Variants in EBF2 observed in about 807,000 individuals in gnomAD.
EBF2 encodes the protein EBF transcription factor 2, also known as transcription factor COE2.
A neutral mutation model predicts 72.8 loss-of-function variants in EBF2; 21 were observed. The observed-to-expected ratio is 0.29, with a 90% CI of 0.20 to 0.42. EBF2 has a LOEUF of 0.42. Ranked by LOEUF, EBF2 falls within the 10% of genes least tolerant of loss-of-function variation. The pLI is 1.00. For synonymous variants in EBF2, 299 were observed against 274.2 expected, an observed-to-expected ratio of 1.09 and a Z score of -0.89; for missense variants, 637 against 731.2, an observed-to-expected ratio of 0.87 and a Z score of 1.49.
Position 26,033,100 on chromosome 8 carries a change from G to A in EBF2, c.536C>T (p.Pro179Leu). 1 of 1,614,152 alleles carries A rather than the reference G, an allele frequency of 6.2e-7. No homozygotes were observed. Among genetic ancestry groups the A allele is most frequent in the Non-Finnish European group, 8.5e-7 (1 of 1,180,006 alleles). The change falls in exon 6 of 16, where the codon CCA becomes CTA. Residue 179 changes from proline (P) to leucine (L), a missense_variant. Transcript: ENST00000520164. ...TTCCCCCTACCTGTCAATTATGACT[G>A]GGTCCGATGGAGTCTCATTTCGGTT... is the stretch of plus-strand genomic sequence containing the variant. ...CGNRNETPSD[P>L]VIIDRFFLKF...
At chr8:25,971,758 G>A (rs552819691) in intron 6 of EBF2, among the ~76,000 whole-genome samples, 57 of 152,152 alleles carry the variant, frequency 3.7e-4, no homozygotes, top group Non-Finnish European at 3.7e-4. Flanking sequence ...AGCTAAGCCT[G>A]CTGTATTATT....
chr8:25,890,620 G>A (rs1054056059), intron 7 of EBF2, among the ~76,000 whole-genome samples: 1 of 152,112 alleles, frequency 6.6e-6, no homozygotes, highest in Non-Finnish European at 1.5e-5. Context: ...ATAACAATGT[G>A]TATCTCACAG....
At chr8:26,009,009 T>G (rs1259721116) in intron 6 of EBF2, among the ~76,000 whole-genome samples, 3 of 150,722 alleles carry the variant, frequency 2.0e-5, no homozygotes, top group African/African-American at 7.3e-5. Flanking sequence ...TATTCTGAAG[T>G]GTTTCCTGCC....
At chr8:26,012,441 A>G (rs977506770) in intron 6 of EBF2, among the ~76,000 whole-genome samples, 1 of 152,198 alleles carries the variant, frequency 6.6e-6, no homozygotes, top group Non-Finnish European at 1.5e-5. Flanking sequence ...ATTGAAAATC[A>G]TTTCAGTAAT....
chr8:25,893,471 T>A (rs1802817846), intron 7 of EBF2, among the ~76,000 whole-genome samples: 1 of 151,598 alleles, frequency 6.6e-6, no homozygotes, highest in Non-Finnish European at 1.5e-5. Flanking sequence ...ATTTTTGGGG[T>A]TTTACCATGT....
chr8:25,902,564 A>G (rs973548208), intron 7 of EBF2, among the ~76,000 whole-genome samples: 3 of 152,146 alleles, frequency 2.0e-5, no homozygotes, highest in African/African-American at 7.2e-5. Flanking sequence ...AATAATCTAC[A>G]GAATGCCTGC....
chr8:26,022,317 C>G (rs1417382104), intron 6 of EBF2, among the ~76,000 whole-genome samples: 1 of 152,218 alleles, frequency 6.6e-6, no homozygotes, highest in Admixed American at 6.5e-5. Context: ...CAGTCTGTAG[C>G]TAAAATGAGT....
chr8:25,935,251 G>C (rs1048344597), intron 6 of EBF2, among the ~76,000 whole-genome samples: 7 of 152,016 alleles, frequency 4.6e-5, no homozygotes, highest in Admixed American at 2.6e-4. Context: ...AGAGGGAGGT[G>C]GGATTGGAAA....
chr8:25,926,780 G>A (rs1047513720), intron 6 of EBF2, among the ~76,000 whole-genome samples: 1 of 152,178 alleles, frequency 6.6e-6, no homozygotes, highest in African/African-American at 2.4e-5. Context: ...GACTTTGAAA[G>A]TACATTCGAG....
At chr8:25,979,231 G>C (rs1563198428) in intron 6 of EBF2, among the ~76,000 whole-genome samples, 1 of 152,208 alleles carries the variant, frequency 6.6e-6, no homozygotes, top group Non-Finnish European at 1.5e-5. Flanking sequence ...GAGAGAAAAT[G>C]ATTTGGGCAG....
intron 6 of EBF2, among the ~76,000 whole-genome samples, chr8:25,956,116 T>A (rs576093920): frequency 1.3e-5 from 2 of 152,290 alleles, no homozygotes; most frequent in East Asian, 1.9e-4. Flanking sequence ...AGAGCATTAT[T>A]CCTTTTTTAA....
chr8:25,936,031 G>C (rs1162220451), intron 6 of EBF2, among the ~76,000 whole-genome samples: 2 of 152,166 alleles, frequency 1.3e-5, no homozygotes, highest in South Asian at 2.1e-4. Flanking sequence ...TGCGCATTAG[G>C]AGCCGATGTG....
intron 6 of EBF2, among the ~76,000 whole-genome samples, chr8:25,942,109 CAG>C (rs779737256): frequency 1.3e-5 from 2 of 152,172 alleles, no homozygotes; most frequent in Admixed American, 6.5e-5. Flanking sequence ...AGTCCCTAGA[CAG>C]AGGTGAGCAC....
intron 6 of EBF2, among the ~76,000 whole-genome samples, chr8:25,992,037 GT>G (rs774868404): frequency 1.3e-5 from 2 of 151,942 alleles, no homozygotes; most frequent in South Asian, 2.1e-4. Context: ...TTTTTTGTTT[GT>G]TTTTTGTTTT....
chr8:25,945,398 G>A (rs923179074), intron 6 of EBF2, among the ~76,000 whole-genome samples: 3 of 152,054 alleles, frequency 2.0e-5, no homozygotes, highest in Non-Finnish European at 4.4e-5. Context: ...AGGCAAAGAT[G>A]CCTCCCTTGT....
At chr8:25,870,320 A>C (rs1334353269) in intron 10 of EBF2, among the ~76,000 whole-genome samples, 1 of 152,024 alleles carries the variant, frequency 6.6e-6, no homozygotes, top group Non-Finnish European at 1.5e-5. Flanking sequence ...CAGGAAAATT[A>C]TTGATATGGG....
At chr8:25,864,339 G>A (rs548664738) in intron 10 of EBF2, among the ~76,000 whole-genome samples, 49 of 152,140 alleles carry the variant, frequency 3.2e-4, no homozygotes, top group African/African-American at 7.7e-4. Flanking sequence ...TATAAACTGC[G>A]TGTTAATACT....
At chr8:26,008,911 A>G (rs1804930459) in intron 6 of EBF2, among the ~76,000 whole-genome samples, 1 of 151,662 alleles carries the variant, frequency 6.6e-6, no homozygotes, top group African/African-American at 2.4e-5. Flanking sequence ...GTGTGTGTAA[A>G]ATTGTAGGAA....
chr8:26,034,990 T>C (rs1336149037), intron 5 of EBF2, among the ~76,000 whole-genome samples: 1 of 152,144 alleles, frequency 6.6e-6, no homozygotes. Flanking sequence ...AGTGAAAGTG[T>C]TGGATTTGAT....
Sources: allele counts gnomAD v4.1 joint callset (sites outside exome capture counted in the v4.1 genomes callset), GRCh38; gene constraint gnomAD v4.1.1; transcripts MANE v1.5; gene names NCBI Gene and HGNC (gene_info 2026-07-23, HGNC 2026-07-21).